Variants in HMCN1 observed in about 807,000 individuals in gnomAD.
HMCN1 encodes the protein hemicentin-1.
A neutral mutation model predicts 625.9 loss-of-function variants in HMCN1; 321 were observed. That is an observed-to-expected ratio of 0.51 (90% CI 0.47 to 0.56). The LOEUF is 0.56. HMCN1 is among the 20% of genes least tolerant of loss of function. The pLI is 0.00. For synonymous variants in HMCN1, 2,425 were observed against 2,417.6 expected, an observed-to-expected ratio of 1.00 and a Z score of -0.09; for missense variants, 6,588 against 6,887.3, an observed-to-expected ratio of 0.96 and a Z score of 1.54.
At chr1:185,778,841 A>G (rs1186035924) in intron 1 of HMCN1, among the ~76,000 whole-genome samples, 1 of 152,190 alleles carries the variant, frequency 6.6e-6, no homozygotes, top group Non-Finnish European at 1.5e-5. Context: ...CATGATTTAT[A>G]GTCCTTTGGG....
chr1:185,786,988 AC>A (rs1404530682), intron 1 of HMCN1, among the ~76,000 whole-genome samples: 2 of 152,196 alleles, frequency 1.3e-5, no homozygotes, highest in South Asian at 4.1e-4. Flanking sequence ...TTTGTTTTTC[AC>A]CATTTTCTCT....
chr1:186,039,636 C>T, intron 38 of HMCN1, 92 bp from the exon 39 acceptor site: 1 of 1,346,888 alleles, frequency 7.4e-7, no homozygotes, highest in Non-Finnish European at 1.1e-6. Flanking sequence ...CCAATAAGAA[C>T]ATAATATTGT....
At chr1:185,803,236 G>T (rs1236150793) in intron 1 of HMCN1, among the ~76,000 whole-genome samples, 1 of 143,876 alleles carries the variant, frequency 7.0e-6, no homozygotes, top group African/African-American at 2.5e-5. Context: ...AAACAAGGAG[G>T]AAATTGACTT....
At chr1:186,049,083 G>A (rs992884296) in intron 42 of HMCN1, among the ~76,000 whole-genome samples, 1 of 152,004 alleles carries the variant, frequency 6.6e-6, no homozygotes. Context: ...GTAGTAATGT[G>A]CCCTTTGTCT....
At chr1:186,102,949 A>G (rs1660449003) in intron 68 of HMCN1, among the ~76,000 whole-genome samples, 1 of 152,150 alleles carries the variant, frequency 6.6e-6, no homozygotes, top group African/African-American at 2.4e-5. Flanking sequence ...ATCCAGACAT[A>G]ACAAATGTGT....
chr1:186,138,667 C>T (rs977746411), intron 89 of HMCN1, among the ~76,000 whole-genome samples: 11 of 152,260 alleles, frequency 7.2e-5, no homozygotes, highest in African/African-American at 2.2e-4. Flanking sequence ...TCACAGGGGC[C>T]TTATAATCTA....
At chr1:185,783,618 C>T (rs1657319508) in intron 1 of HMCN1, among the ~76,000 whole-genome samples, 1 of 152,132 alleles carries the variant, frequency 6.6e-6, no homozygotes, top group Admixed American at 6.5e-5. Flanking sequence ...CACTCCAGAC[C>T]CTGTTTGCCT....
chr1:185,802,009 T>C (rs16824497), intron 1 of HMCN1, among the ~76,000 whole-genome samples: 13,872 of 152,016 alleles, frequency 0.091, 2,042 homozygotes, highest in African/African-American at 0.31. Flanking sequence ...ATGGAAGAAA[T>C]GTTAGGGCTC....
chr1:185,844,486 A>G (rs887680971), intron 1 of HMCN1, among the ~76,000 whole-genome samples: 2 of 152,192 alleles, frequency 1.3e-5, no homozygotes, highest in Non-Finnish European at 2.9e-5. Context: ...TACCATATGT[A>G]GCTTGTTATG....
chr1:185,755,013 C>T (rs1655044423), intron 1 of HMCN1, among the ~76,000 whole-genome samples: 1 of 152,094 alleles, frequency 6.6e-6, no homozygotes, highest in African/African-American at 2.4e-5. Context: ...ATTATAGTAC[C>T]TTCTCATAGA....
In HMCN1 at chr1:185,829,175, A is replaced by T. The variant is rs565923583; in HGVS notation, c.269-16851A>T. Among the ~76,000 whole-genome samples the T allele has an allele frequency of 5.1e-4, 78 of 152,250 alleles. 3 individuals are homozygous for T. The South Asian group carries it at 0.016, about 31-fold the overall frequency. ...TTGAAAAATTGAATAAGATGGTTAAATTTCTTGAGAGAGATGATTTTCTAA... is the reference window on the plus strand; with the variant it reads ...TTGAAAAATTGAATAAGATGGTTAATTTTCTTGAGAGAGATGATTTTCTAA... On this transcript the variant is annotated intron_variant, in intron 1 of 106. Transcript: ENST00000271588.
intron 9 of HMCN1, among the ~76,000 whole-genome samples, chr1:185,927,629 G>C (rs754119558): frequency 6.6e-6 from 1 of 152,078 alleles, no homozygotes; most frequent in Non-Finnish European, 1.5e-5. Flanking sequence ...GATGGGGAGC[G>C]ATCTAGAGAT....
At chr1:186,186,994 T>TCTCACACACACACACACACACA (rs1188045464) in intron 105 of HMCN1, among the ~76,000 whole-genome samples, 2 of 134,516 alleles carry the variant, frequency 1.5e-5, no homozygotes, top group African/African-American at 5.9e-5. Flanking sequence ...TGTCTCTGTC[T>TCTCACACACACACACACACACA]CACACACACA....
chr1:186,023,540 A>C, intron 36 of HMCN1, among the ~76,000 whole-genome samples: 1 of 152,248 alleles, frequency 6.6e-6, no homozygotes, highest in Non-Finnish European at 1.5e-5. Flanking sequence ...AGTAGAAGCC[A>C]TCTTTGGCTC....
chr1:185,974,522 C>T (rs1034902676), intron 15 of HMCN1, among the ~76,000 whole-genome samples: 1 of 152,100 alleles, frequency 6.6e-6, no homozygotes, highest in Non-Finnish European at 1.5e-5. Flanking sequence ...AAGCAAACAG[C>T]CTCCTCTGTA....
chr1:186,078,345 C>A, intron 55 of HMCN1, 125 bp downstream of exon 55: 1 of 715,074 alleles, frequency 1.4e-6, no homozygotes, highest in Admixed American at 2.1e-5. Context: ...TGATAGTTCT[C>A]CCAAGGAGGT....
At chr1:185,929,264 C>T (rs909023830) in intron 10 of HMCN1, among the ~76,000 whole-genome samples, 3 of 152,002 alleles carry the variant, frequency 2.0e-5, no homozygotes, top group African/African-American at 7.2e-5. Flanking sequence ...ACCTCAGTGG[C>T]TACAATATTC....
chr1:185,854,975 G>A (rs554761552), intron 2 of HMCN1, among the ~76,000 whole-genome samples: 1 of 152,292 alleles, frequency 6.6e-6, no homozygotes, highest in Non-Finnish European at 1.5e-5. Flanking sequence ...TGTGAGTGTT[G>A]GAGCAGAAGG....
chr1:186,084,677 C>G (rs1176072818), intron 57 of HMCN1, among the ~76,000 whole-genome samples: 1 of 151,892 alleles, frequency 6.6e-6, no homozygotes, highest in Non-Finnish European at 1.5e-5. Context: ...TCTCTTAGCC[C>G]ATATCTTCTC....
Sources: allele counts gnomAD v4.1 joint callset (sites outside exome capture counted in the v4.1 genomes callset), GRCh38; gene constraint gnomAD v4.1.1; transcripts MANE v1.5; gene names NCBI Gene and HGNC (gene_info 2026-07-23, HGNC 2026-07-21).